The following ARMC1 variants were observed in gnomAD, a reference collection of about 807,000 sequenced individuals.
The protein encoded by ARMC1 is armadillo repeat containing 1.
In ARMC1, 16 loss-of-function variants were observed where a neutral mutation model predicts 31.4. That is an observed-to-expected ratio of 0.51 (90% CI 0.34 to 0.77). ARMC1 has a LOEUF of 0.77. Ranked by LOEUF, ARMC1 falls within the 30% of genes least tolerant of loss-of-function variation. The pLI is 0.01. For missense variants in ARMC1, 259 were observed against 347.5 expected (o/e 0.75, Z 2.02); for synonymous variants, 114 against 118.9 (o/e 0.96, Z 0.27).
chr8:65,632,536 C>T (rs2129044828), intron 1 of ARMC1, among the ~76,000 whole-genome samples: 1 of 152,018 alleles, frequency 6.6e-6, no homozygotes, highest in South Asian at 2.1e-4. Flanking sequence ...TGGCGTGAAA[C>T]CGGGAGGCGG....
chr8:65,624,342 T>C (rs1262265199), intron 2 of ARMC1, among the ~76,000 whole-genome samples: 1 of 151,106 alleles, frequency 6.6e-6, no homozygotes, highest in African/African-American at 2.4e-5. Context: ...CTACTAAAAA[T>C]ACAAAAATTA....
In ARMC1 at chr8:65,629,166, AAAAG is replaced by A. The variant is rs761004414; in HGVS notation, c.-35-1737_-35-1734del. On this transcript the variant is annotated intron_variant, in intron 1 of 6. Coordinates refer to ENST00000276569, the MANE Select transcript of ARMC1 (RefSeq NM_018120.6). ...CGAGACTCCATCTCAAAAAAAAAAA[AAAAG>A]AAAGAAAGAAAATGTGATATACATA... Among the ~76,000 whole-genome samples the A allele has an allele frequency of 5.7e-4, 86 of 152,108 alleles. 1 individual carries two copies. The East Asian group carries it at 9.1e-3, about 16-fold the overall frequency.
chr8:65,622,193 T>C (rs1332514480), intron 3 of ARMC1, 70 bp downstream of exon 3: 4 of 1,250,242 alleles, frequency 3.2e-6, no homozygotes, highest in Admixed American at 3.6e-5. Flanking sequence ...ATGGGCAACA[T>C]AGTGAGGCCC....
intron 1 of ARMC1, among the ~76,000 whole-genome samples, chr8:65,631,971 T>A (rs1808654549): frequency 6.6e-6 from 1 of 152,094 alleles, no homozygotes; most frequent in South Asian, 2.1e-4. Context: ...CTACCCACTA[T>A]ATGCCCAATT....
intron 1 of ARMC1, among the ~76,000 whole-genome samples, chr8:65,629,650 T>C (rs1310839000): frequency 6.6e-6 from 1 of 151,598 alleles, no homozygotes; most frequent in African/African-American, 2.4e-5. Flanking sequence ...AGTACAAAAA[T>C]TAGCTGGGCG....
At chr8:65,605,392 C>T (rs764525036) in intron 5 of ARMC1, 30 bp downstream of exon 5, 1 of 1,612,664 alleles carries the variant, frequency 6.2e-7, no homozygotes, top group Non-Finnish European at 8.5e-7. Flanking sequence ...CCTGTAATCT[C>T]AAGCATATTC....
At chr8:65,627,475 T>C (rs1029686686) in intron 1 of ARMC1, 42 bp from the exon 2 acceptor site, 21 of 1,191,570 alleles carry the variant, frequency 1.8e-5, no homozygotes, top group Admixed American at 5.6e-5. Flanking sequence ...GCTGCTGAGG[T>C]ATATTATAGC....
At chr8:65,615,906 GAAGA>G (rs575189497) in intron 3 of ARMC1, among the ~76,000 whole-genome samples, 299 of 151,388 alleles carry the variant, frequency 2.0e-3, no homozygotes, top group African/African-American at 5.0e-3. Context: ...AAAAAAAAAA[GAAGA>G]AAGAAAAACT....
intron 1 of ARMC1, among the ~76,000 whole-genome samples, chr8:65,631,494 A>G: frequency 6.6e-6 from 1 of 152,194 alleles, no homozygotes; most frequent in Non-Finnish European, 1.5e-5. Context: ...TCGGCCTCCC[A>G]AAGTGCTGGG....
chr8:65,627,683 C>A (rs10092109), intron 1 of ARMC1, among the ~76,000 whole-genome samples: 1 of 152,020 alleles, frequency 6.6e-6, no homozygotes, highest in Admixed American at 6.6e-5. Flanking sequence ...TGTTTTAGCA[C>A]ACATATTTTA....
At chr8:65,609,678 T>C (rs1002068045) in intron 4 of ARMC1, among the ~76,000 whole-genome samples, 5 of 151,614 alleles carry the variant, frequency 3.3e-5, no homozygotes, top group African/African-American at 1.2e-4. Flanking sequence ...GCCAATATGG[T>C]GAAACCCCGT....
chr8:65,627,447 T>A lies in ARMC1; in HGVS notation c.-35-14A>T, dbSNP rs770352443. The A allele has an allele frequency of 2.3e-5, 34 of 1,462,084 alleles. No individual in the cohort carries two copies. The South Asian group carries it at 4.7e-4, about 20-fold the overall frequency. 90.6% of individuals were successfully genotyped at this position (1,462,084 alleles called of 1,614,324 possible). A position where few individuals can be genotyped will look rare whatever the true frequency, so the allele number is the denominator to read the frequency against. On this transcript the variant is annotated splice_polypyrimidine_tract_variant and intron_variant, in intron 1 of 6. Transcript: ENST00000276569. ...AAATCTTAAATTCTGTAGAAAAGGTTTGCAGAATTAGTTCTAGGCTGCTGA... is the reference window on the plus strand; with the variant it reads ...AAATCTTAAATTCTGTAGAAAAGGTATGCAGAATTAGTTCTAGGCTGCTGA...
intron 3 of ARMC1, among the ~76,000 whole-genome samples, chr8:65,617,011 C>T (rs958052362): frequency 4.0e-5 from 6 of 151,102 alleles, no homozygotes; most frequent in South Asian, 4.2e-4. Context: ...CGGGGGGCAG[C>T]CCCCGCCCGG....
chr8:65,631,124 G>A, intron 1 of ARMC1, among the ~76,000 whole-genome samples: 1 of 152,104 alleles, frequency 6.6e-6, no homozygotes, highest in African/African-American at 2.4e-5. Flanking sequence ...AATTAGAAGG[G>A]TTTTATGTAA....
At chr8:65,628,545 C>A (rs896345882) in intron 1 of ARMC1, among the ~76,000 whole-genome samples, 2 of 150,654 alleles carry the variant, frequency 1.3e-5, no homozygotes, top group African/African-American at 4.9e-5. Context: ...CCGTGTCCAG[C>A]CTCATACTTT....
chr8:65,624,121 C>T (rs910308264), intron 2 of ARMC1, among the ~76,000 whole-genome samples: 2 of 150,694 alleles, frequency 1.3e-5, no homozygotes, highest in African/African-American at 2.4e-5. Context: ...AAAACAAAAA[C>T]GAAAACAAAA....
At position 65,622,270 on chromosome 8, in the gene ARMC1, T is replaced by A; in HGVS notation, c.268A>T (p.Ile90Leu). The change falls in exon 3 of 7, where the codon ATA (isoleucine) becomes TTA (leucine). Residue 90 changes from isoleucine (I) to leucine (L), a missense_variant. Ile to Leu is a conservative substitution (Grantham distance 5). Coordinates refer to ENST00000276569, the MANE Select transcript of ARMC1 (RefSeq NM_018120.6). ...LGMMLSLQNV[I>L]QKTTTPGETK... ...ACTGTCTATTGTACTTACTTCTGTA[T>A]AACATTTTGTAAGCTCAACATCATA... 1 of 1,611,340 alleles carries A rather than the reference T, an allele frequency of 6.2e-7. No homozygotes were observed.
intron 2 of ARMC1, among the ~76,000 whole-genome samples, chr8:65,625,358 G>T (rs77418928): frequency 0.019 from 2,870 of 152,180 alleles, 27 homozygotes; most frequent in African/African-American, 0.026. Context: ...TTGGCTCTGT[G>T]AGCCTACAAC....
At chr8:65,613,974 C>A (rs556128021) in intron 3 of ARMC1, among the ~76,000 whole-genome samples, 1,710 of 137,052 alleles carry the variant, frequency 0.012, 39 homozygotes, top group African/African-American at 0.044. Flanking sequence ...AAAAAAAAAA[C>A]CACACGTTTA....
Sources: allele counts gnomAD v4.1 joint callset (sites outside exome capture counted in the v4.1 genomes callset), GRCh38; gene constraint gnomAD v4.1.1; transcripts MANE v1.5; gene names NCBI Gene and HGNC (gene_info 2026-07-23, HGNC 2026-07-21).